The following NMNAT1 variants were observed in gnomAD, a reference collection of about 807,000 sequenced individuals.
NMNAT1 encodes nicotinamide nucleotide adenylyltransferase 1.
Under a neutral mutation model 16.7 loss-of-function variants are expected in NMNAT1, and 11 were observed. That is an observed-to-expected ratio of 0.66 (90% CI 0.41 to 1.09). The LOEUF is 1.09. Ranked by LOEUF, NMNAT1 falls within the 50% of genes least tolerant of loss-of-function variation. The probability of loss-of-function intolerance (pLI) is 0.00; values close to 1 mark genes in which losing one functional copy is unlikely to be tolerated. For synonymous variants in NMNAT1, 110 were observed against 119.8 expected (o/e 0.92, Z 0.53); for missense variants, 280 against 332.3 (o/e 0.84, Z 1.22).
At chr1:9,951,414 G>A (rs1641106533) in intron 1 of NMNAT1, 1 of 152,168 alleles carries the variant, frequency 6.6e-6, no homozygotes, top group African/African-American at 2.4e-5. Context: ...AGAAATAGAA[G>A]TCTTGCTGTA....
At chr1:9,987,375 T>A (rs1265591344), downstream of NMNAT1, among the ~76,000 whole-genome samples, 3 of 151,956 alleles carry the variant, frequency 2.0e-5, no homozygotes, top group African/African-American at 7.3e-5. Flanking sequence ...GCGCAGTGGC[T>A]CACGCCTGTA....
chr1:9,979,571 C>T (rs183342618), intron 3 of NMNAT1, among the ~76,000 whole-genome samples: 7 of 152,158 alleles, frequency 4.6e-5, no homozygotes, highest in African/African-American at 1.7e-4. Flanking sequence ...GAGGCCTAGG[C>T]GGGCAGATCA....
intron 1 of NMNAT1, among the ~76,000 whole-genome samples, chr1:9,970,961 A>G (rs989616570): frequency 1.3e-5 from 2 of 152,138 alleles, no homozygotes; most frequent in Non-Finnish European, 2.9e-5. Context: ...ATGAACACTA[A>G]TTTTTTGTTT....
At chr1:9,995,602 G>A in the NMNAT1 span, among the ~76,000 whole-genome samples, 1 of 152,074 alleles carries the variant, frequency 6.6e-6, no homozygotes, top group Admixed American at 6.6e-5. Flanking sequence ...GCTGAGGCAG[G>A]AGAGTTGCTT....
At chr1:9,960,701 G>T (rs1340796162) in intron 1 of NMNAT1, 1 of 152,156 alleles carries the variant, frequency 6.6e-6, no homozygotes, top group African/African-American at 2.4e-5. Flanking sequence ...GTGAGCTGAG[G>T]AGGGACACTT....
chr1:9,968,323 T>G (rs1332659475), intron 1 of NMNAT1, among the ~76,000 whole-genome samples: 4 of 151,388 alleles, frequency 2.6e-5, no homozygotes, highest in African/African-American at 4.8e-5. Flanking sequence ...CTGCCCATCT[T>G]GGCCTCCCAA....
intron 1 of NMNAT1, among the ~76,000 whole-genome samples, chr1:9,958,474 C>G (rs542972557): frequency 2.7e-5 from 4 of 148,376 alleles, no homozygotes; most frequent in Non-Finnish European, 5.9e-5. Context: ...GAGTCTTGCT[C>G]TGTCACCCAG....
At chr1:9,944,988 C>G (rs1270668733) in intron 1 of NMNAT1, among the ~76,000 whole-genome samples, 1 of 152,198 alleles carries the variant, frequency 6.6e-6, no homozygotes. Flanking sequence ...AATCCCAGCA[C>G]TTTGGGAGGC....
At chr1:9,964,295 T>C (rs1411967014) in intron 1 of NMNAT1, among the ~76,000 whole-genome samples, 1 of 151,504 alleles carries the variant, frequency 6.6e-6, no homozygotes, top group Non-Finnish European at 1.5e-5. Context: ...CTTGAAATCC[T>C]GGGCTCAAGC....
intron 1 of NMNAT1, among the ~76,000 whole-genome samples, chr1:9,960,530 C>G (rs916360367): frequency 1.3e-5 from 2 of 152,086 alleles, no homozygotes; most frequent in African/African-American, 4.8e-5. Flanking sequence ...AGATCAGTAA[C>G]TACCCAGGCC....
chr1:9,982,789 G>T lies in NMNAT1; in HGVS notation c.*88G>T. On this transcript the variant is annotated 3_prime_UTR_variant, in exon 5 of 5. Transcript: ENST00000377205. ...TAACTGGGGAAAGAAGTTGTGATCT[G>T]TTGCCTAAACTAAAGCTTAAAAGTT... 1 of 1,366,666 alleles carries T rather than the reference G, an allele frequency of 7.3e-7. No individual in the cohort carries two copies. The highest frequency in any genetic ancestry group is 9.9e-7 in the Non-Finnish European group (1 of 1,006,630). 84.7% of individuals were successfully genotyped at this position (1,366,666 alleles called of 1,614,324 possible).
chr1:9,988,397 G>A (rs1442813251), downstream of NMNAT1, among the ~76,000 whole-genome samples: 1 of 152,056 alleles, frequency 6.6e-6, no homozygotes, highest in African/African-American at 2.4e-5. Flanking sequence ...TAAGAAAGCT[G>A]CTTAAGAAGA....
intron 2 of NMNAT1, among the ~76,000 whole-genome samples, chr1:9,973,823 A>ACCT (rs1641744370): frequency 9.6e-5 from 14 of 146,408 alleles, no homozygotes; most frequent in Non-Finnish European, 1.5e-4. Context: ...CAGGAGTTTG[A>ACCT]GATCAGCCTG....
chr1:9,948,307 G>A (rs75505101), intron 1 of NMNAT1, among the ~76,000 whole-genome samples: 2 of 152,156 alleles, frequency 1.3e-5, no homozygotes, highest in Non-Finnish European at 2.9e-5. Flanking sequence ...AGGTGAGGTG[G>A]CTCATGCTCG....
At chr1:9,946,414 A>ATTATTTAAATTTATAT (rs1640981594) in intron 1 of NMNAT1, among the ~76,000 whole-genome samples, 1 of 152,202 alleles carries the variant, frequency 6.6e-6, no homozygotes, top group Non-Finnish European at 1.5e-5. Context: ...GAAACCAGAT[A>ATTATTTAAATTTATAT]AATGCTCCTT....
chr1:9,971,129 C>T lies in NMNAT1; in HGVS notation c.-56-889C>T, dbSNP rs150448135. Among the ~76,000 whole-genome samples the T allele has an allele frequency of 1.0e-3, 152 of 152,174 alleles. 1 individual carries two copies. The highest frequency in any genetic ancestry group is 3.6e-3 in the African/African-American group (150 of 41,524). On this transcript the variant is annotated intron_variant, in intron 1 of 4. Coordinates refer to ENST00000377205, the MANE Select transcript of NMNAT1 (RefSeq NM_022787.4). ...GGTGGTTGTCTATCAGTGGGAGCATCGGTGCTCTCCCACATGTTCTGGCAT... is the reference window on the plus strand; with the variant it reads ...GGTGGTTGTCTATCAGTGGGAGCATTGGTGCTCTCCCACATGTTCTGGCAT...
At chr1:9,979,533 G>T (rs147494414) in intron 3 of NMNAT1, among the ~76,000 whole-genome samples, 2,656 of 152,170 alleles carry the variant, frequency 0.017, 32 homozygotes, top group Non-Finnish European at 0.027. Flanking sequence ...GGGCGCAGTG[G>T]CTCACGCCTG....
chr1:9,959,124 C>G (rs1641340437), intron 1 of NMNAT1, among the ~76,000 whole-genome samples: 1 of 152,138 alleles, frequency 6.6e-6, no homozygotes. Context: ...GTAATCCCAG[C>G]ACTTTGGGAA....
chr1:9,981,425 CG>C (rs1245023101), intron 4 of NMNAT1: 2 of 358,736 alleles, frequency 5.6e-6, no homozygotes, highest in African/African-American at 2.1e-5. Context: ...TTAGTAGAGA[CG>C]GGGTTGCACC....
Sources: gnomAD v4.1 joint callset for allele counts (sites outside exome capture counted in the v4.1 genomes callset) on GRCh38, gnomAD v4.1.1 for gene constraint, MANE v1.5 for transcripts, NCBI Gene and HGNC (gene_info 2026-07-23, HGNC 2026-07-21) for gene names.